The following EBF1 variants were observed in gnomAD, a reference collection of about 807,000 sequenced individuals.
EBF1 encodes the protein transcription factor COE1.
A neutral mutation model predicts 68.4 loss-of-function variants in EBF1; 10 were observed. The observed-to-expected ratio is 0.15, with a 90% CI of 0.09 to 0.25. The LOEUF (loss-of-function observed/expected upper bound fraction) is 0.25. EBF1 is among the 10% of genes least tolerant of loss of function. The probability of loss-of-function intolerance (pLI) is 1.00; values close to 1 mark genes in which losing one functional copy is unlikely to be tolerated. For missense variants in EBF1, 509 were observed against 794.4 expected (o/e 0.64, Z 4.32); for synonymous variants, 298 against 299.8 (o/e 0.99, Z 0.06).
At chr5:158,760,742 C>G (rs1411472533) in intron 10 of EBF1, among the ~76,000 whole-genome samples, 4 of 152,082 alleles carry the variant, frequency 2.6e-5, no homozygotes, top group Non-Finnish European at 4.4e-5. Context: ...GCAAGCCGCT[C>G]GATACCCCCT....
chr5:159,010,008 C>T (rs960692364), intron 6 of EBF1, among the ~76,000 whole-genome samples: 8 of 152,032 alleles, frequency 5.3e-5, no homozygotes, highest in African/African-American at 1.5e-4. Context: ...AACCATTGTA[C>T]CAAAATACCA....
At chr5:159,094,312 A>C (rs1164617881) in intron 4 of EBF1, among the ~76,000 whole-genome samples, 1 of 151,950 alleles carries the variant, frequency 6.6e-6, no homozygotes, top group Non-Finnish European at 1.5e-5. Context: ...CTGAGAAATA[A>C]ACAGATTTTT....
At chr5:158,750,145 A>G (rs1279856478) in intron 10 of EBF1, among the ~76,000 whole-genome samples, 1 of 152,176 alleles carries the variant, frequency 6.6e-6, no homozygotes, top group African/African-American at 2.4e-5. Flanking sequence ...ATTGAAAGAG[A>G]AACTGAAATC....
At chr5:158,765,235 C>T (rs1772400359) in intron 10 of EBF1, among the ~76,000 whole-genome samples, 1 of 152,050 alleles carries the variant, frequency 6.6e-6, no homozygotes, top group South Asian at 2.1e-4. Flanking sequence ...TTTTTCTAGT[C>T]TTAAAAAAGT....
At chr5:159,064,432 A>G (rs902162111) in intron 6 of EBF1, among the ~76,000 whole-genome samples, 1 of 152,210 alleles carries the variant, frequency 6.6e-6, no homozygotes, top group Non-Finnish European at 1.5e-5. Context: ...TCACCAATAA[A>G]GTGGATAGTT....
intron 6 of EBF1, among the ~76,000 whole-genome samples, chr5:158,904,558 A>T (rs1368095044): frequency 1.3e-5 from 2 of 152,202 alleles, no homozygotes; most frequent in Non-Finnish European, 2.9e-5. Context: ...TGAAAATAAA[A>T]CATCCAGCAA....
At chr5:158,879,493 T>C (rs1337384355) in intron 6 of EBF1, among the ~76,000 whole-genome samples, 1 of 152,138 alleles carries the variant, frequency 6.6e-6, no homozygotes, top group East Asian at 1.9e-4. Flanking sequence ...AGAAGTTATA[T>C]AGAAAAGAGC....
At chr5:158,948,838 C>A (rs1467668003) in intron 6 of EBF1, among the ~76,000 whole-genome samples, 2 of 152,184 alleles carry the variant, frequency 1.3e-5, no homozygotes, top group Non-Finnish European at 2.9e-5. Flanking sequence ...TTCAGCCGGA[C>A]CTTCCTCCCC....
At chr5:158,869,723 G>A (rs146783492) in intron 6 of EBF1, among the ~76,000 whole-genome samples, 11 of 152,166 alleles carry the variant, frequency 7.2e-5, no homozygotes, top group African/African-American at 2.7e-4. Flanking sequence ...CCAGGCCAGT[G>A]ACTTGGAATC....
At chr5:158,712,434 C>T in intron 13 of EBF1, 101 bp from the exon 14 acceptor site, 8 of 1,361,372 alleles carry the variant, frequency 5.9e-6, no homozygotes, top group South Asian at 4.1e-5. Flanking sequence ...GCCCCGTCGC[C>T]GCAACCCAGA....
intron 10 of EBF1, among the ~76,000 whole-genome samples, chr5:158,775,159 T>C (rs560789822): frequency 1.3e-5 from 2 of 152,170 alleles, no homozygotes; most frequent in South Asian, 4.2e-4. Context: ...TTTTTCTTAA[T>C]TCCAGTGTGA....
chr5:159,083,926 C>T (rs2127980255), intron 5 of EBF1, among the ~76,000 whole-genome samples: 2 of 152,338 alleles, frequency 1.3e-5, no homozygotes, highest in South Asian at 4.1e-4. Context: ...TGGCCTACTC[C>T]CTCACATGTG....
chr5:158,753,094 A>G (rs932525303), intron 10 of EBF1, among the ~76,000 whole-genome samples: 1 of 152,134 alleles, frequency 6.6e-6, no homozygotes, highest in Non-Finnish European at 1.5e-5. Flanking sequence ...GGAAATCATG[A>G]ACTATAGTAA....
At chr5:158,850,481 A>G in intron 6 of EBF1, among the ~76,000 whole-genome samples, 1 of 152,214 alleles carries the variant, frequency 6.6e-6, no homozygotes, top group Non-Finnish European at 1.5e-5. Flanking sequence ...GCAGAGAGAA[A>G]GTAGGAACTG....
chr5:158,864,549 T>C (rs1466339492), intron 6 of EBF1, among the ~76,000 whole-genome samples: 2 of 151,846 alleles, frequency 1.3e-5, no homozygotes, highest in Admixed American at 6.6e-5. Context: ...GTGGAGAAGA[T>C]AGGAGAGCAC....
At chr5:158,948,018 T>C (rs1234513358) in intron 6 of EBF1, among the ~76,000 whole-genome samples, 2 of 152,232 alleles carry the variant, frequency 1.3e-5, no homozygotes, top group Non-Finnish European at 2.9e-5. Flanking sequence ...AATGATCTTT[T>C]AAGACATGAA....
chr5:159,039,009 T>C (rs1405698189), intron 6 of EBF1, among the ~76,000 whole-genome samples: 1 of 152,212 alleles, frequency 6.6e-6, no homozygotes, highest in African/African-American at 2.4e-5. Flanking sequence ...TTACTTCCTT[T>C]AGAAAATTGG....
rs70987938 is a variant in EBF1 at position 158,866,833 on chromosome 5, GTATATATATATATATATA to G, written c.555-26741_555-26724del. 9.2e-3 allele frequency among the ~76,000 whole-genome samples: 849 copies of G among 92,538 alleles called. 1 individual carries two copies. The highest frequency in any genetic ancestry group is 0.014 in the East Asian group (42 of 3,006). 60.7% of individuals were successfully genotyped at this position (92,538 alleles called of 152,430 possible). A position where few individuals can be genotyped will look rare whatever the true frequency, so the allele number is the denominator to read the frequency against. On this transcript the variant is annotated intron_variant, in intron 6 of 15. Coordinates refer to ENST00000313708, the MANE Select transcript of EBF1 (RefSeq NM_024007.5). ...GTAATATATGTATATATATGTATAT[GTATATATATATATATATA>G]TATATATATATATATATATATATAT...
chr5:159,076,306 G>A (rs1469433692), intron 5 of EBF1, among the ~76,000 whole-genome samples: 1 of 152,130 alleles, frequency 6.6e-6, no homozygotes, highest in Non-Finnish European at 1.5e-5. Flanking sequence ...CAATCCGGAA[G>A]AATAAAAGGG....
Sources: allele counts gnomAD v4.1 joint callset (sites outside exome capture counted in the v4.1 genomes callset), GRCh38; gene constraint gnomAD v4.1.1; transcripts MANE v1.5; gene names NCBI Gene and HGNC (gene_info 2026-07-23, HGNC 2026-07-21).